Variants in GNA12 observed in about 807,000 individuals in gnomAD.
GNA12 encodes the protein guanine nucleotide-binding protein subunit alpha-12.
In GNA12, 9 loss-of-function variants were observed where a neutral mutation model predicts 26.0. The observed-to-expected ratio is 0.35, with a 90% CI of 0.21 to 0.60. The LOEUF (loss-of-function observed/expected upper bound fraction) is 0.60, where lower values mean the gene tolerates loss of function less well. Ranked by LOEUF, GNA12 falls within the 20% of genes least tolerant of loss-of-function variation. The pLI is 0.78. For synonymous variants in GNA12, 264 were observed against 219.6 expected (o/e 1.20, Z -1.79); for missense variants, 405 against 525.8 (o/e 0.77, Z 2.25).
chr7:2,791,650 A>G (rs1792521907), intron 2 of GNA12, among the ~76,000 whole-genome samples: 1 of 152,142 alleles, frequency 6.6e-6, no homozygotes, highest in Admixed American at 6.6e-5. Context: ...CAAGCAAAAA[A>G]CAAGGTGATG....
chr7:2,749,825 C>A (rs769639779), intron 2 of GNA12, among the ~76,000 whole-genome samples: 6 of 151,964 alleles, frequency 3.9e-5, no homozygotes, highest in African/African-American at 7.3e-5. Context: ...TCAGTGACCA[C>A]TGAAATTAGA....
chr7:2,780,051 C>CATATATATATATATATAT (rs3996399), intron 2 of GNA12, among the ~76,000 whole-genome samples: 4 of 62,208 alleles, frequency 6.4e-5, no homozygotes, highest in Middle Eastern at 9.4e-3. Flanking sequence ...TTTCTGTGTA[C>CATATATATATATATATAT]ATATATATAT....
At chr7:2,828,883 T>A (rs181515177) in intron 1 of GNA12, among the ~76,000 whole-genome samples, 1 of 152,170 alleles carries the variant, frequency 6.6e-6, no homozygotes, top group East Asian at 1.9e-4. Flanking sequence ...TGGCAAAATC[T>A]ACAAAAATCT....
intron 2 of GNA12, 180 bp downstream of exon 2, chr7:2,794,748 G>C (rs1792608383): frequency 5.0e-6 from 3 of 605,552 alleles, no homozygotes; most frequent in South Asian, 2.0e-5. Context: ...TTCCCCTCTT[G>C]AGCCTTTTAT....
chr7:2,836,927 C>T (rs1778855277), intron 1 of GNA12, among the ~76,000 whole-genome samples: 1 of 151,972 alleles, frequency 6.6e-6, no homozygotes. Flanking sequence ...TCCATCTCAA[C>T]AACAACAAAA....
At chr7:2,773,382 G>A (rs963722099) in intron 2 of GNA12, among the ~76,000 whole-genome samples, 4 of 152,190 alleles carry the variant, frequency 2.6e-5, no homozygotes, top group African/African-American at 9.7e-5. Flanking sequence ...GGCCAACATG[G>A]CAAAACCCCT....
intron 1 of GNA12, chr7:2,835,692 C>G: frequency 9.9e-7 from 1 of 1,005,500 alleles, no homozygotes; most frequent in Non-Finnish European, 1.5e-6. Context: ...AAAAGATAAA[C>G]AAATTTGCAT....
intron 1 of GNA12, among the ~76,000 whole-genome samples, chr7:2,840,531 C>T (rs1255443466): frequency 6.6e-6 from 1 of 152,208 alleles, no homozygotes; most frequent in Non-Finnish European, 1.5e-5. Context: ...TTCAAATGTC[C>T]AGTACTAAAG....
chr7:2,780,243 C>T (rs969432708), intron 2 of GNA12, among the ~76,000 whole-genome samples: 1 of 151,626 alleles, frequency 6.6e-6, no homozygotes, highest in African/African-American at 2.4e-5. Flanking sequence ...ATCACATGGT[C>T]AGTATTCCAG....
At chr7:2,812,377 C>G (rs1793101516) in intron 1 of GNA12, among the ~76,000 whole-genome samples, 1 of 152,164 alleles carries the variant, frequency 6.6e-6, no homozygotes, top group Admixed American at 6.5e-5. Context: ...CGCCTGTAAT[C>G]CCAGCACCTT....
At chr7:2,781,443 T>C (rs1419694092) in intron 2 of GNA12, among the ~76,000 whole-genome samples, 4 of 151,044 alleles carry the variant, frequency 2.6e-5, no homozygotes, top group Admixed American at 6.6e-5. Flanking sequence ...TGTGTGTGTG[T>C]GTGTGTAGGG....
chr7:2,784,484 T>C (rs1217059794), intron 2 of GNA12, among the ~76,000 whole-genome samples: 5 of 152,226 alleles, frequency 3.3e-5, no homozygotes, highest in Admixed American at 6.5e-5. Flanking sequence ...TGCCAAAGAA[T>C]AGAATAACAC....
chr7:2,832,637 C>T (rs925098090), intron 1 of GNA12, among the ~76,000 whole-genome samples: 6 of 152,222 alleles, frequency 3.9e-5, no homozygotes, highest in South Asian at 2.1e-4. Context: ...CCCACTACAG[C>T]TGGTTCTCTG....
chr7:2,750,729 C>T (rs1008604498), intron 2 of GNA12, among the ~76,000 whole-genome samples: 6 of 152,134 alleles, frequency 3.9e-5, no homozygotes, highest in Admixed American at 6.5e-5. Flanking sequence ...AACAGACACA[C>T]ACACAGTGTG....
chr7:2,828,543 C>G (rs144205993), intron 1 of GNA12, among the ~76,000 whole-genome samples: 1 of 152,092 alleles, frequency 6.6e-6, no homozygotes, highest in Non-Finnish European at 1.5e-5. Context: ...GTACCAGGGA[C>G]GCAGCTGGGG....
intron 2 of GNA12, among the ~76,000 whole-genome samples, chr7:2,748,053 A>G (rs1037410829): frequency 4.8e-4 from 73 of 151,002 alleles, no homozygotes; most frequent in Non-Finnish European, 7.1e-4. Flanking sequence ...ATGGGTAGGA[A>G]GAATCGATAT....
chr7:2,750,958 G>A (rs1431304555), intron 2 of GNA12, among the ~76,000 whole-genome samples: 1 of 152,210 alleles, frequency 6.6e-6, no homozygotes, highest in Non-Finnish European at 1.5e-5. Context: ...GTGGTACCCA[G>A]ACATGCCAAA....
At chr7:2,732,026 T>G (rs1251480021) in intron 3 of GNA12, among the ~76,000 whole-genome samples, 2 of 152,248 alleles carry the variant, frequency 1.3e-5, no homozygotes, top group Non-Finnish European at 2.9e-5. Context: ...ACATCCATTT[T>G]CTTCTCCAGA....
chr7:2,806,913 A>G (rs1023502702), intron 1 of GNA12, among the ~76,000 whole-genome samples: 1 of 152,212 alleles, frequency 6.6e-6, no homozygotes, highest in African/African-American at 2.4e-5. Flanking sequence ...TAGATGTTGA[A>G]TTATAAAACT....
Sources: allele counts gnomAD v4.1 joint callset (sites outside exome capture counted in the v4.1 genomes callset), GRCh38; gene constraint gnomAD v4.1.1; transcripts MANE v1.5; gene names NCBI Gene and HGNC (gene_info 2026-07-23, HGNC 2026-07-21).